The following UBE4B variants were observed in gnomAD, a reference collection of about 807,000 sequenced individuals.
UBE4B encodes the protein ubiquitin conjugation factor E4 B.
A neutral mutation model predicts 148.1 loss-of-function variants in UBE4B; 27 were observed. That is an observed-to-expected ratio of 0.18 (90% CI 0.13 to 0.25). UBE4B has a LOEUF of 0.25. UBE4B is among the 10% of genes least tolerant of loss of function. UBE4B has a pLI of 1.00. For synonymous variants in UBE4B, 596 were observed against 619.3 expected (o/e 0.96, Z 0.56); for missense variants, 1,170 against 1,662.4 (o/e 0.70, Z 5.15).
rs1453506419 is a variant in UBE4B at position 10,158,347 on chromosome 1, C to G, written c.2927-9C>G. 1.2e-6 allele frequency: 2 copies of G among 1,613,870 alleles called. No individual in the cohort carries two copies. The highest frequency in any genetic ancestry group is 2.2e-5 in the South Asian group (2 of 91,068). Reference sequence around the variant, plus strand: ...CATATCCCTCAGTACCTTTGTCTTTCTTCTTTAGATGTTGAGCATACCGGA... The same window carrying G: ...CATATCCCTCAGTACCTTTGTCTTTGTTCTTTAGATGTTGAGCATACCGGA... On this transcript the variant is annotated splice_polypyrimidine_tract_variant and intron_variant, in intron 21 of 27. Coordinates refer to ENST00000343090, the MANE Select transcript of UBE4B (RefSeq NM_001105562.3).
At chr1:10,159,009 CAAAA>C (rs368376272) in intron 22 of UBE4B, among the ~76,000 whole-genome samples, 1 of 68,650 alleles carries the variant, frequency 1.5e-5, no homozygotes, top group Non-Finnish European at 3.1e-5. Flanking sequence ...GACTCCGTCT[CAAAA>C]AAAAAAAAAA....
chr1:10,152,129 G>A (rs770285333), intron 21 of UBE4B, among the ~76,000 whole-genome samples: 1 of 151,838 alleles, frequency 6.6e-6, no homozygotes, highest in Non-Finnish European at 1.5e-5. Flanking sequence ...AGCCGGGCAT[G>A]GTTGCAGGTG....
In UBE4B at chr1:10,033,090, C is replaced by G. The variant is rs939770853; in HGVS notation, c.-581C>G. 1 of 152,632 alleles carries G rather than the reference C, an allele frequency of 6.6e-6. No individual in the cohort carries two copies. The highest frequency in any genetic ancestry group is 1.5e-5 in the Non-Finnish European group (1 of 68,352). 9.5% of individuals were successfully genotyped at this position (152,632 alleles called of 1,614,324 possible). A position where few individuals can be genotyped will look rare whatever the true frequency, so the allele number is the denominator to read the frequency against. Reference sequence around the variant, plus strand: ...TACGCGCATCCCATCCTCCCCCTCCCCCCTACCCGGGCTCCGGCGTGGAGG... The same window carrying G: ...TACGCGCATCCCATCCTCCCCCTCCGCCCTACCCGGGCTCCGGCGTGGAGG... On this transcript the variant is annotated 5_prime_UTR_variant, in exon 1 of 28. Coordinates refer to ENST00000343090, the MANE Select transcript of UBE4B (RefSeq NM_001105562.3).
At chr1:10,140,783 G>A (rs185824684) in intron 17 of UBE4B, among the ~76,000 whole-genome samples, 117 of 152,280 alleles carry the variant, frequency 7.7e-4, no homozygotes, top group Non-Finnish European at 1.6e-4. Context: ...GTGTGTATAT[G>A]CGTATTGGAA....
chr1:10,118,901 T>TG (rs71299826), intron 8 of UBE4B, among the ~76,000 whole-genome samples: 1 of 117,312 alleles, frequency 8.5e-6, no homozygotes, highest in Non-Finnish European at 1.6e-5. Context: ...TTTTTTTTTT[T>TG]GAGATGGAGT....
intron 14 of UBE4B, among the ~76,000 whole-genome samples, chr1:10,131,649 C>T (rs1437363955): frequency 2.6e-5 from 4 of 152,048 alleles, no homozygotes; most frequent in Admixed American, 6.6e-5. Flanking sequence ...ATGGGCTGAT[C>T]ACGAGGTCAG....
At chr1:10,150,621 G>A (rs564935007) in intron 20 of UBE4B, among the ~76,000 whole-genome samples, 3 of 152,136 alleles carry the variant, frequency 2.0e-5, no homozygotes, top group Non-Finnish European at 4.4e-5. Context: ...CAGCACTTTG[G>A]GAGGCCAAGG....
chr1:10,043,991 A>G (rs1643867707), intron 1 of UBE4B, among the ~76,000 whole-genome samples: 1 of 152,176 alleles, frequency 6.6e-6, no homozygotes, highest in Non-Finnish European at 1.5e-5. Context: ...GCTGTTTCTA[A>G]AGAAAATGTT....
At position 10,079,599 on chromosome 1, in the gene UBE4B, A is replaced by G. The variant is rs115751265; in HGVS notation, c.211+7385A>G. Among the ~76,000 whole-genome samples, 308 of 152,342 alleles carry G rather than the reference A, an allele frequency of 2.0e-3. 1 individual carries two copies. Among genetic ancestry groups the G allele is most frequent in the African/African-American group, 7.2e-3 (298 of 41,578 alleles). On this transcript the variant is annotated intron_variant, in intron 2 of 27. Coordinates refer to ENST00000343090, the MANE Select transcript of UBE4B (RefSeq NM_001105562.3). ...AATGATTTAAATGAAAGACTTAGCA[A>G]CTAGTCAAACTGCTTCAGCCCCTTG...
intron 12 of UBE4B, among the ~76,000 whole-genome samples, chr1:10,129,761 G>A (rs991091851): frequency 4.0e-5 from 6 of 151,202 alleles, no homozygotes; most frequent in African/African-American, 7.3e-5. Flanking sequence ...AGTGAGTCTC[G>A]TGCCTCAGCC....
intron 1 of UBE4B, among the ~76,000 whole-genome samples, chr1:10,041,096 T>C (rs966099669): frequency 6.6e-6 from 1 of 152,144 alleles, no homozygotes; most frequent in Non-Finnish European, 1.5e-5. Context: ...TTGTTCATTG[T>C]AGACAAGAGA....
At position 10,110,557 on chromosome 1, in the gene UBE4B, G is replaced by GA. The variant is rs984792751; in HGVS notation, c.1196+3984dup. Among the ~76,000 whole-genome samples, 16 of 149,352 alleles carry GA rather than the reference G, an allele frequency of 1.1e-4. No homozygotes were observed. The South Asian group carries it at 1.5e-3, about 14-fold the overall frequency. On this transcript the variant is annotated intron_variant, in intron 7 of 27. Coordinates refer to ENST00000343090, the MANE Select transcript of UBE4B (RefSeq NM_001105562.3). ...ATAAATAAAAGCTGGAAGTTGATCT[G>GA]AAAAAAAAAATTACCCCATGGTAAA...
At chr1:10,146,011 G>A (rs1645864287) in intron 18 of UBE4B, among the ~76,000 whole-genome samples, 1 of 152,198 alleles carries the variant, frequency 6.6e-6, no homozygotes, top group Non-Finnish European at 1.5e-5. Context: ...AAGTTTACCT[G>A]ACATAGCTTT....
chr1:10,127,758 A>C (rs2101936243), intron 11 of UBE4B, among the ~76,000 whole-genome samples: 1 of 152,332 alleles, frequency 6.6e-6, no homozygotes, highest in Middle Eastern at 3.4e-3. Flanking sequence ...CTGGTGATAC[A>C]GAAGCTAGGA....
At chr1:10,053,321 T>C (rs1199885839) in intron 1 of UBE4B, among the ~76,000 whole-genome samples, 1 of 151,890 alleles carries the variant, frequency 6.6e-6, no homozygotes, top group African/African-American at 2.4e-5. Context: ...GCTAATTTTT[T>C]TGTATTTTTA....
chr1:10,064,626 T>C (rs1294117400), intron 1 of UBE4B, among the ~76,000 whole-genome samples: 1 of 152,160 alleles, frequency 6.6e-6, no homozygotes, highest in Admixed American at 6.6e-5. Flanking sequence ...TCACCTCGTC[T>C]CTTTGTCACT....
chr1:10,082,279 G>A (rs1472506995), intron 2 of UBE4B, among the ~76,000 whole-genome samples: 2 of 151,944 alleles, frequency 1.3e-5, no homozygotes, highest in African/African-American at 4.8e-5. Flanking sequence ...TGGGAGGATC[G>A]CTTGAACCCA....
rs185307265 is a variant in UBE4B, at chr1:10,136,067, T to C, written c.2224+881T>C. 1.6e-3 allele frequency among the ~76,000 whole-genome samples: 247 copies of C among 152,320 alleles called. 1 individual carries two copies. The highest frequency in any genetic ancestry group is 5.6e-3 in the African/African-American group (233 of 41,582). Reference sequence around the variant, plus strand: ...AAAGAAATATGCAGGGAAACGGCTCTGGAATCAGTAGTTTATTAACATAAT... The same window carrying C: ...AAAGAAATATGCAGGGAAACGGCTCCGGAATCAGTAGTTTATTAACATAAT... On this transcript the variant is annotated intron_variant, in intron 16 of 27. Transcript: ENST00000343090.
chr1:10,131,868 G>A (rs929604320), intron 14 of UBE4B, among the ~76,000 whole-genome samples: 7 of 151,926 alleles, frequency 4.6e-5, no homozygotes, highest in Admixed American at 1.3e-4. Context: ...CAGGAGAATC[G>A]CTTGAAACCG....
Sources: gnomAD v4.1 joint callset for allele counts (sites outside exome capture counted in the v4.1 genomes callset) on GRCh38, gnomAD v4.1.1 for gene constraint, MANE v1.5 for transcripts, NCBI Gene and HGNC (gene_info 2026-07-23, HGNC 2026-07-21) for gene names.